The following ARHGEF37 variants were observed in gnomAD, a reference collection of about 807,000 sequenced individuals.
The protein encoded by ARHGEF37 is Rho guanine nucleotide exchange factor (GEF) 37.
In ARHGEF37, 55 loss-of-function variants were observed where a neutral mutation model predicts 71.1. The ratio of observed to expected loss-of-function variants is 0.77; its 90% CI spans 0.62 to 0.97. ARHGEF37 has a LOEUF of 0.97. Among genes scored for constraint, ARHGEF37 ranks in the 50% least tolerant of loss-of-function variants. The pLI is 0.00. For synonymous variants in ARHGEF37, 327 were observed against 350.6 expected (o/e 0.93, Z 0.75); for missense variants, 765 against 836.8 (o/e 0.91, Z 1.06).
intron 1 of ARHGEF37, among the ~76,000 whole-genome samples, chr5:149,552,967 T>C (rs1561779312): frequency 6.6e-6 from 1 of 152,200 alleles, no homozygotes; most frequent in Non-Finnish European, 1.5e-5. Flanking sequence ...AGACTTCCCC[T>C]GAAGTTTAGC....
At chr5:149,554,497 C>T (rs1762727785) in intron 1 of ARHGEF37, among the ~76,000 whole-genome samples, 1 of 152,096 alleles carries the variant, frequency 6.6e-6, no homozygotes, top group Non-Finnish European at 1.5e-5. Flanking sequence ...TATGAGTCCT[C>T]CTTTGTTTCC....
intron 1 of ARHGEF37, among the ~76,000 whole-genome samples, chr5:149,563,970 T>G (rs1463057257): frequency 5.4e-5 from 8 of 148,590 alleles, no homozygotes; most frequent in African/African-American, 1.7e-4. Context: ...TTTTTTTTTT[T>G]TTGAGACAGA....
At chr5:149,590,507 C>T (rs995557989) in intron 1 of ARHGEF37, among the ~76,000 whole-genome samples, 1 of 152,052 alleles carries the variant, frequency 6.6e-6, no homozygotes, top group African/African-American at 2.4e-5. Flanking sequence ...GTCTCGAACT[C>T]CTGACCTCGT....
At chr5:149,577,091 TA>T (rs1176392815), upstream of ARHGEF37, among the ~76,000 whole-genome samples, 1 of 152,222 alleles carries the variant, frequency 6.6e-6, no homozygotes, top group African/African-American at 2.4e-5. Context: ...CACTGTGGTA[TA>T]GTAGTAGACT....
Position 149,557,859 on chromosome 5 carries a change from C to T in ARHGEF37, c.-12+5736C>T, listed in dbSNP as rs1021311290. ...AGATTGGTAAGTTCTATATGTTTAC[C>T]CAATAATTTTTTTTTTTTTTTTTTG... On this transcript the variant is annotated intron_variant, in intron 1 of 2. Transcript: ENST00000505810. 6.0e-5 allele frequency among the ~76,000 whole-genome samples: 9 copies of T among 150,754 alleles called. No individual in the cohort carries two copies. In the East Asian group the frequency reaches 1.6e-3, roughly 26 times the overall value.
At chr5:149,626,252 A>ACACACC (rs1217326618) in intron 10 of ARHGEF37, among the ~76,000 whole-genome samples, 1 of 128,264 alleles carries the variant, frequency 7.8e-6, no homozygotes, top group Non-Finnish European at 1.5e-5. Flanking sequence ...ACACACACAC[A>ACACACC]CACACACACA....
chr5:149,599,530 C>G (rs9885442), intron 2 of ARHGEF37, among the ~76,000 whole-genome samples: 1 of 152,030 alleles, frequency 6.6e-6, no homozygotes, highest in African/African-American at 2.4e-5. Flanking sequence ...TCCCATCTCA[C>G]CCTCCGAAGT....
intron 3 of ARHGEF37, among the ~76,000 whole-genome samples, chr5:149,608,211 G>A (rs572482223): frequency 6.6e-6 from 1 of 152,310 alleles, no homozygotes; most frequent in African/African-American, 2.4e-5. Flanking sequence ...CCATCTGGAT[G>A]TATACGTGCA....
intron 10 of ARHGEF37, 26 bp from the exon 11 acceptor site, chr5:149,627,050 G>GGC: frequency 2.5e-6 from 4 of 1,589,868 alleles, no homozygotes; most frequent in Non-Finnish European, 3.4e-6. Context: ...AAGCACTTGT[G>GGC]TCTGTCTGTG....
intron 6 of ARHGEF37, 41 bp from the exon 7 acceptor site, chr5:149,618,897 C>T (rs770997602): frequency 1.0e-5 from 15 of 1,503,696 alleles, no homozygotes; most frequent in African/African-American, 1.4e-5. Context: ...GTACACTGCC[C>T]CCATGTGGAT....
At chr5:149,599,407 G>A (rs560894110) in intron 2 of ARHGEF37, among the ~76,000 whole-genome samples, 2 of 90,570 alleles carry the variant, frequency 2.2e-5, no homozygotes, top group East Asian at 6.2e-4. Flanking sequence ...GGCAAGGCTC[G>A]GCTCACCCAG....
chr5:149,601,053 A>G, intron 2 of ARHGEF37, 55 bp from the exon 3 acceptor site: 3 of 1,581,762 alleles, frequency 1.9e-6, no homozygotes, highest in Non-Finnish European at 2.6e-6. Flanking sequence ...AAAAGCCTGC[A>G]AATACATTCT....
intron 1 of ARHGEF37, among the ~76,000 whole-genome samples, chr5:149,566,083 T>C (rs1762895810): frequency 6.6e-6 from 1 of 151,228 alleles, no homozygotes; most frequent in Non-Finnish European, 1.5e-5. Flanking sequence ...TGACCTCAGG[T>C]GATCCACCCG....
intron 11 of ARHGEF37, 37 bp from the exon 12 acceptor site, chr5:149,628,763 ACGGGAAGGT>A: frequency 6.4e-7 from 1 of 1,570,918 alleles, no homozygotes; most frequent in Non-Finnish European, 8.6e-7. Context: ...ATTAAAAGGG[ACGGGAAGGT>A]GGCCCGCAGC....
intron 1 of ARHGEF37, among the ~76,000 whole-genome samples, chr5:149,558,723 GTGTGTGTGTGTGTGTATATA>G (rs1317054542): frequency 3.6e-5 from 5 of 137,090 alleles, no homozygotes; most frequent in African/African-American, 1.5e-4. Flanking sequence ...GTGTGTGTGT[GTGTGTGTGTGTGTGTATATA>G]TATTTTTATA....
At chr5:149,605,237 A>G (rs536714200) in intron 3 of ARHGEF37, among the ~76,000 whole-genome samples, 160 of 151,250 alleles carry the variant, frequency 1.1e-3, no homozygotes, top group South Asian at 1.0e-3. Flanking sequence ...AAAAAAAAAA[A>G]AAAAGAAAAG....
chr5:149,558,741 A>G (rs55996106), intron 1 of ARHGEF37, among the ~76,000 whole-genome samples: 44 of 130,242 alleles, frequency 3.4e-4, no homozygotes, highest in South Asian at 1.7e-3. Flanking sequence ...GTGTGTGTAT[A>G]TATATTTTTA....
intron 1 of ARHGEF37, among the ~76,000 whole-genome samples, chr5:149,564,006 G>A (rs1338809964): frequency 1.4e-5 from 2 of 139,808 alleles, no homozygotes; most frequent in African/African-American, 2.7e-5. Flanking sequence ...AGCCTGGAGT[G>A]CAGTGGCGCG....
intron 5 of ARHGEF37, among the ~76,000 whole-genome samples, chr5:149,617,017 G>A (rs1017049825): frequency 6.6e-6 from 1 of 152,126 alleles, no homozygotes; most frequent in Non-Finnish European, 1.5e-5. Flanking sequence ...GTAAGTTGTG[G>A]CTGTTCCAAG....
Sources: gnomAD v4.1 joint callset for allele counts (sites outside exome capture counted in the v4.1 genomes callset) on GRCh38, gnomAD v4.1.1 for gene constraint, MANE v1.5 for transcripts, NCBI Gene and HGNC (gene_info 2026-07-23, HGNC 2026-07-21) for gene names.